Variants in PDS5A observed in about 807,000 individuals in gnomAD.
PDS5A encodes the protein sister chromatid cohesion protein PDS5 homolog A.
PDS5A carries 42 observed loss-of-function variants against 167.1 expected under a neutral mutation model. The ratio of observed to expected loss-of-function variants is 0.25; its 90% CI spans 0.20 to 0.33. PDS5A has a LOEUF of 0.33. Among genes scored for constraint, PDS5A ranks in the 10% least tolerant of loss-of-function variants. The pLI is 1.00. For missense variants in PDS5A, 1,033 were observed against 1,605.9 expected, an observed-to-expected ratio of 0.64 and a Z score of 6.10; for synonymous variants, 553 against 554.6, an observed-to-expected ratio of 1.00 and a Z score of 0.04.
chr4:39,874,469 C>A, intron 19 of PDS5A, 57 bp from the exon 20 acceptor site: 2 of 1,458,766 alleles, frequency 1.4e-6, no homozygotes, highest in Non-Finnish European at 1.9e-6. Context: ...AACAAGTATT[C>A]CTTTGGTTGA....
rs1717871125 is a variant in PDS5A at position 39,848,878 on chromosome 4, T to C, written c.3312A>G (p.Pro1104=). ...TTTCAGGTTGTGTAAAAAATTTCAT[T>C]GGGAGGACTGGGTCCTTTGGTGAAT... The part of the protein sequence containing the change: ...NADSPKDPVL[P]MKFFTQPEKD... The change falls in exon 28 of 33, where the codon CCA becomes CCG. Residue 1104 remains proline (P), a synonymous_variant. Coordinates refer to ENST00000303538, the MANE Select transcript of PDS5A (RefSeq NM_001100399.2). 1 of 1,604,950 alleles carries C rather than the reference T, an allele frequency of 6.2e-7. No homozygotes were observed.
rs75739019 is a variant in PDS5A at position 39,828,077 on chromosome 4, T to C, written c.4011-2589A>G. 9.7e-4 allele frequency among the ~76,000 whole-genome samples: 148 copies of C among 152,336 alleles called. 4 individuals carry two copies. The East Asian group carries it at 0.025, about 26-fold the overall frequency. Reference sequence around the variant, plus strand: ...CAACACTAATGTCCAGCTAATACTGTTGACTGTTTCCTGACCACACTGCAA... The same window carrying C: ...CAACACTAATGTCCAGCTAATACTGCTGACTGTTTCCTGACCACACTGCAA... On this transcript the variant is annotated intron_variant, in intron 32 of 32. Coordinates refer to ENST00000303538, the MANE Select transcript of PDS5A (RefSeq NM_001100399.2).
chr4:39,838,636 T>C (rs972523218), intron 31 of PDS5A, among the ~76,000 whole-genome samples: 3 of 152,074 alleles, frequency 2.0e-5, no homozygotes, highest in East Asian at 1.9e-4. Context: ...GGTGGGAGGA[T>C]TGCTTAAGCC....
intron 30 of PDS5A, among the ~76,000 whole-genome samples, chr4:39,842,912 TATA>T (rs1360134827): frequency 1.5e-5 from 1 of 68,530 alleles, no homozygotes; most frequent in African/African-American, 4.2e-5. Context: ...CCTATTTTTA[TATA>T]TATATATATA....
At chr4:39,960,201 A>AAGGTTGCAGTGAGCCG (rs1729351476) in intron 2 of PDS5A, among the ~76,000 whole-genome samples, 3 of 151,920 alleles carry the variant, frequency 2.0e-5, no homozygotes, top group Admixed American at 1.3e-4. Context: ...CCCAGGAGGC[A>AAGGTTGCAGTGAGCCG]AAGGTTGCAG....
intron 2 of PDS5A, among the ~76,000 whole-genome samples, chr4:39,958,911 A>C (rs1326817973): frequency 6.6e-6 from 1 of 152,072 alleles, no homozygotes. Context: ...GCCCTGCTGT[A>C]CTTATTTATT....
intron 1 of PDS5A, 103 bp from the exon 2 acceptor site, chr4:39,976,720 G>C (rs1282491074): frequency 1.8e-6 from 1 of 566,456 alleles, no homozygotes; most frequent in Non-Finnish European, 2.9e-6. Context: ...TCTCCCCAGA[G>C]GCCGGGGACC....
rs991735592 is a variant in PDS5A at position 39,977,150 on chromosome 4, C to T, written c.-41+307G>A. ...GGGGTAGTCCCCGCCGCGCTGCCAC[C>T]CCTCCCCTGTTCCGCTCCCTCACCC... On this transcript the variant is annotated intron_variant, in intron 1 of 32. Transcript: ENST00000303538. The surrounding 1 kb of genome is among the most constrained non-coding windows in gnomAD (Gnocchi z 4.2). 6.6e-6 allele frequency among the ~76,000 whole-genome samples: 1 copy of T among 152,022 alleles called. No homozygotes were observed. The highest frequency in any genetic ancestry group is 2.4e-5 in the African/African-American group (1 of 41,404).
intron 2 of PDS5A, among the ~76,000 whole-genome samples, chr4:39,939,340 G>A (rs997048800): frequency 2.6e-5 from 4 of 152,104 alleles, no homozygotes; most frequent in East Asian, 1.9e-4. Flanking sequence ...GGAGACATGC[G>A]CCTGTAGTCC....
rs74872996 is a variant in PDS5A, at chr4:39,919,169, A to G, written c.735+1150T>C. On this transcript the variant is annotated intron_variant, in intron 7 of 32. Coordinates refer to ENST00000303538, the MANE Select transcript of PDS5A (RefSeq NM_001100399.2). ...AAAAGCCTCATTTGGATTTTTATCC[A>G]TGGAAAATAATTCAACAATATATAA... Among the ~76,000 whole-genome samples the G allele has an allele frequency of 4.6e-3, 704 of 152,316 alleles. 8 individuals are homozygous for G. Among genetic ancestry groups the G allele is most frequent in the African/African-American group, 0.016 (664 of 41,576 alleles).
intron 20 of PDS5A, among the ~76,000 whole-genome samples, chr4:39,873,984 C>T (rs1720263851): frequency 6.6e-6 from 1 of 152,138 alleles, no homozygotes. Context: ...TTCGGGGCTG[C>T]AGTGAGCAGA....
intron 16 of PDS5A, among the ~76,000 whole-genome samples, chr4:39,894,948 C>T (rs1560461541): frequency 6.6e-6 from 1 of 152,010 alleles, no homozygotes. Context: ...GTGTTGTTGG[C>T]CAGGCACGGT....
chr4:39,860,896 C>A (rs1265831287), intron 26 of PDS5A, among the ~76,000 whole-genome samples: 1 of 150,958 alleles, frequency 6.6e-6, no homozygotes, highest in Non-Finnish European at 1.5e-5. Flanking sequence ...ACAGTGAGAC[C>A]CCATCTCTAC....
In PDS5A at chr4:39,862,332, C is replaced by A. The variant is rs1250818299; in HGVS notation, c.2973G>T (p.Glu991Asp). Residue 991 changes from glutamate to aspartate, a missense_variant and splice_region_variant, in exon 26 of 33, where the codon GAG becomes GAT. Transcript: ENST00000303538. ...EYIKQNPMAT[E>D]KLLSLLPEYV... ...ATTCAGGCAACAGTGATAATAATTT[C>A]TCTGAAGTAAAAACATTATTAAAAA... 1 of 1,396,830 alleles carries A rather than the reference C, an allele frequency of 7.2e-7. No homozygotes were observed. Among genetic ancestry groups the A allele is most frequent in the Non-Finnish European group, 9.9e-7 (1 of 1,011,188 alleles). The allele number at this position is 1,396,830 out of a possible 1,614,324, so 86.5% of individuals were successfully genotyped here. A position where few individuals can be genotyped will look rare whatever the true frequency, so the allele number is the denominator to read the frequency against.
intron 31 of PDS5A, among the ~76,000 whole-genome samples, chr4:39,839,680 TA>T (rs1288999409): frequency 7.4e-6 from 1 of 135,790 alleles, no homozygotes. Context: ...CCAAGGGTAA[TA>T]TCTAAAATAT....
rs1723103387 is a variant in PDS5A at position 39,904,099 on chromosome 4, T to C, written c.1326A>G (p.Lys442=). The C allele has an allele frequency of 6.2e-7, 1 of 1,612,320 alleles. No individual in the cohort carries two copies. The highest frequency in any genetic ancestry group is 8.5e-7 in the Non-Finnish European group (1 of 1,178,740). Residue 442 remains lysine, a synonymous_variant, in exon 12 of 33, where the codon AAA becomes AAG. Transcript: ENST00000303538. ...GAAGTTTGTCCTTTATCCAGCTGAC[T>C]TTCTCTGCAGCTTCCTTTCCTGCTT... ...HGEAGKEAAE[K]VSWIKDKLLH... is the part of the protein sequence containing the mutation.
chr4:39,973,754 T>G, intron 2 of PDS5A: 11 of 1,296,726 alleles, frequency 8.5e-6, no homozygotes, highest in Middle Eastern at 3.7e-4. Context: ...GTACGAGCTG[T>G]GCCCAACCAT....
intron 14 of PDS5A, among the ~76,000 whole-genome samples, 170 bp downstream of exon 14, chr4:39,900,256 T>C (rs1722765099): frequency 6.6e-6 from 1 of 152,240 alleles, no homozygotes; most frequent in Non-Finnish European, 1.5e-5. Context: ...GAGTTTGTTA[T>C]ATTTATTTTA....
chr4:39,973,139 G>A, intron 2 of PDS5A: 1 of 869,230 alleles, frequency 1.2e-6, no homozygotes. Context: ...TAAACAGCAG[G>A]AACACCAATG....
Sources: gnomAD v4.1 joint callset for allele counts (sites outside exome capture counted in the v4.1 genomes callset) on GRCh38, gnomAD v4.1.1 for gene constraint, Gnocchi (gnomAD v3.1) non-coding constraint, MANE v1.5 for transcripts, NCBI Gene and HGNC (gene_info 2026-07-23, HGNC 2026-07-21) for gene names.